Variants in IGSF9B observed in about 807,000 individuals in gnomAD.
IGSF9B encodes immunoglobulin superfamily member 9B.
IGSF9B carries 48 observed loss-of-function variants against 143.7 expected under a neutral mutation model. The ratio of observed to expected loss-of-function variants is 0.33; its 90% CI spans 0.26 to 0.42. IGSF9B has a LOEUF of 0.42. Among genes scored for constraint, IGSF9B ranks in the 20% least tolerant of loss-of-function variants. The pLI, the probability that IGSF9B is intolerant of heterozygous loss-of-function variation, is 1.00. For missense variants in IGSF9B, 1,706 were observed against 1,980.0 expected (o/e 0.86, Z 2.63); for synonymous variants, 903 against 833.1 (o/e 1.08, Z -1.44).
chr11:133,942,830 T>C (rs903972169), intron 3 of IGSF9B, among the ~76,000 whole-genome samples: 1 of 152,186 alleles, frequency 6.6e-6, no homozygotes, highest in African/African-American at 2.4e-5. Context: ...ATTTCAAATA[T>C]GCTTCAATCA....
In IGSF9B at chr11:133,927,100, AAG is replaced by A; in HGVS notation, c.1632-11_1632-10del. On this transcript the variant is annotated splice_polypyrimidine_tract_variant and intron_variant, in intron 12 of 19. Transcript: ENST00000533871. ...ACTGTGCCCGCTTCATCCTGGCCAA[AAG>A]AGAGAGACAGGATAGGGGACGAGGG... The A allele has an allele frequency of 3.2e-6, 5 of 1,545,772 alleles. No individual in the cohort carries two copies. The highest frequency in any genetic ancestry group is 3.5e-6 in the Non-Finnish European group (4 of 1,141,346).
intron 2 of IGSF9B, 54 bp downstream of exon 2, chr11:133,946,005 CCG>C: frequency 1.6e-6 from 2 of 1,272,046 alleles, no homozygotes; most frequent in South Asian, 2.9e-5. Flanking sequence ...AGGGGAACCA[CCG>C]AGGAGCTGAC....
At position 133,945,596 on chromosome 11, in the gene IGSF9B, G is replaced by A. The variant is rs537357177; in HGVS notation, c.262+465C>T. ...CACAGACGGGGCCAGGAGAAGGAGA[G>A]GACAGCATGACAAGGAGGCAGACAC... On this transcript the variant is annotated intron_variant, in intron 2 of 19. Coordinates refer to ENST00000533871, the MANE Select transcript of IGSF9B (RefSeq NM_001277285.4). The surrounding 1 kb of genome is among the most constrained non-coding windows in gnomAD (Gnocchi z 4.6). 6.6e-6 allele frequency among the ~76,000 whole-genome samples: 1 copy of A among 152,330 alleles called. No individual in the cohort carries two copies. Among genetic ancestry groups the A allele is most frequent in the Admixed American group, 6.5e-5 (1 of 15,310 alleles).
At chr11:133,955,237 C>T (rs1490914978) in intron 1 of IGSF9B, among the ~76,000 whole-genome samples, 3 of 152,042 alleles carry the variant, frequency 2.0e-5, no homozygotes, top group Non-Finnish European at 4.4e-5. Context: ...CTCACATCCA[C>T]CCCCCGTTCC....
rs1277440266 is a variant in IGSF9B, at chr11:133,924,796, A to G, written c.2119+24T>C. 1.9e-6 allele frequency: 3 copies of G among 1,601,212 alleles called. No individual in the cohort carries two copies. The East Asian group carries it at 6.7e-5, about 36-fold the overall frequency. On this transcript the variant is annotated intron_variant, in intron 15 of 19. Transcript: ENST00000533871. ...CTGGGGCTTATGTCCCTATAGTTGC[A>G]AGAGCACCCTCAACCCAAAATACCT...
At chr11:133,956,337 G>C (rs1012192911) in intron 1 of IGSF9B, among the ~76,000 whole-genome samples, 1 of 152,142 alleles carries the variant, frequency 6.6e-6, no homozygotes, top group Non-Finnish European at 1.5e-5. Flanking sequence ...GTTTCCCGCA[G>C]CTCTGGGAGG....
intron 1 of IGSF9B, among the ~76,000 whole-genome samples, chr11:133,951,766 G>A (rs754263401): frequency 1.3e-5 from 2 of 152,266 alleles, no homozygotes; most frequent in South Asian, 2.1e-4. Flanking sequence ...CCGGCAGGCC[G>A]CCTGGCCAAC....
Position 133,931,357 on chromosome 11 carries a change from C to T in IGSF9B, c.1368+96G>A. 1.1e-6 allele frequency: 1 copy of T among 945,768 alleles called. No homozygotes were observed. Among genetic ancestry groups the T allele is most frequent in the East Asian group, 2.5e-5 (1 of 39,610 alleles). 58.6% of individuals were successfully genotyped at this position (945,768 alleles called of 1,614,324 possible). ...CTGGGCCCTCACACCTCCCCTCAGCCCCGGGGCTCGCTGGGCCCTCAAACC... is the reference window on the plus strand; with the variant it reads ...CTGGGCCCTCACACCTCCCCTCAGCTCCGGGGCTCGCTGGGCCCTCAAACC... On this transcript the variant is annotated intron_variant, in intron 10 of 19. Coordinates refer to ENST00000533871, the MANE Select transcript of IGSF9B (RefSeq NM_001277285.4). This position sits in a 1 kb window ranked among gnomAD's most constrained non-coding sequence, Gnocchi z 7.7.
intron 5 of IGSF9B, 47 bp from the exon 6 acceptor site, chr11:133,936,241 C>A: frequency 6.4e-7 from 1 of 1,569,032 alleles, no homozygotes; most frequent in Non-Finnish European, 8.7e-7. Context: ...TCAGGGACGG[C>A]AGCAGCACCC....
chr11:133,952,048 C>G (rs1194420789), intron 1 of IGSF9B: 1 of 455,606 alleles, frequency 2.2e-6, no homozygotes, highest in Non-Finnish European at 4.4e-6. Flanking sequence ...TGAGCGGGAC[C>G]TTCTCAGAAA....
intron 12 of IGSF9B, among the ~76,000 whole-genome samples, 173 bp downstream of exon 12, chr11:133,929,498 G>A (rs1170983636): frequency 4.6e-5 from 7 of 152,106 alleles, no homozygotes; most frequent in Non-Finnish European, 5.9e-5. Flanking sequence ...GACCCCTCCC[G>A]TCACCCACAA....
In IGSF9B at chr11:133,920,275, G is replaced by A. The variant is rs374716133; in HGVS notation, c.3450C>T (p.Pro1150=). ...CGTGCGCCCCCGGCTCAGCCGGCTC[G>A]GGGTAAGGCAGCACAGGTATGCCCA... ...QGMGIPVLPY[P]EPAEPGAHGG... The change falls in exon 18 of 20, where the codon CCC becomes CCT. Residue 1150 remains proline (P), a synonymous_variant. Coordinates refer to ENST00000533871, the MANE Select transcript of IGSF9B (RefSeq NM_001277285.4). The A allele has an allele frequency of 5.9e-6, 9 of 1,521,926 alleles. No homozygotes were observed. The highest frequency in any genetic ancestry group is 2.8e-5 in the African/African-American group (2 of 71,712). The allele number at this position is 1,521,926 out of a possible 1,614,324, so 94.3% of individuals were successfully genotyped here.
chr11:133,937,328 A>T, intron 5 of IGSF9B, 48 bp downstream of exon 5: 2 of 1,400,602 alleles, frequency 1.4e-6, no homozygotes, highest in Non-Finnish European at 2.0e-6. Flanking sequence ...CGGGCTGGAC[A>T]TCCCCGCGGG....
chr11:133,924,960 C>G, intron 14 of IGSF9B, 56 bp from the exon 15 acceptor site: 1 of 1,407,792 alleles, frequency 7.1e-7, no homozygotes. Flanking sequence ...GACCACTGTC[C>G]CCTCACACAC....
chr11:133,934,079 C>T (rs1419950967), intron 7 of IGSF9B, among the ~76,000 whole-genome samples: 1 of 152,084 alleles, frequency 6.6e-6, no homozygotes, highest in Non-Finnish European at 1.5e-5. Context: ...TTGTCTCACC[C>T]ACCTGTAAAT....
At chr11:133,923,228 C>T (rs796602905) in intron 15 of IGSF9B, among the ~76,000 whole-genome samples, 24 of 152,360 alleles carry the variant, frequency 1.6e-4, no homozygotes, top group African/African-American at 5.3e-4. Flanking sequence ...TGCCTCACAC[C>T]AGTGTCTCTA....
rs150233040 is a variant in IGSF9B at position 133,900,203 on chromosome 11, C to T, written c.*8866G>A. 3.9e-5 allele frequency: 6 copies of T among 152,792 alleles called. No homozygotes were observed. The highest frequency in any genetic ancestry group is 1.4e-4 in the African/African-American group (6 of 41,562). 9.5% of individuals were successfully genotyped at this position (152,792 alleles called of 1,614,324 possible). A position where few individuals can be genotyped will look rare whatever the true frequency, so the allele number is the denominator to read the frequency against. On this transcript the variant is annotated 3_prime_UTR_variant, in exon 20 of 20. Coordinates refer to ENST00000533871, the MANE Select transcript of IGSF9B (RefSeq NM_001277285.4). ...AAGGACCAAACTCTATAGACAAGAG[C>T]TCTTAGGGAGTGCCATGTCTTGGTT...
intron 3 of IGSF9B, among the ~76,000 whole-genome samples, chr11:133,939,629 C>T (rs1939886123): frequency 6.6e-6 from 1 of 152,252 alleles, no homozygotes; most frequent in Admixed American, 6.5e-5. Context: ...CCACTTTCAT[C>T]TCTCATCTCC....
At chr11:133,955,008 C>A (rs762167956) in intron 1 of IGSF9B, among the ~76,000 whole-genome samples, 7 of 152,220 alleles carry the variant, frequency 4.6e-5, no homozygotes, top group Admixed American at 6.5e-5. Context: ...AAGTCCATTG[C>A]CCACCCTGAC....
Sources: gnomAD v4.1 joint callset for allele counts (sites outside exome capture counted in the v4.1 genomes callset) on GRCh38, gnomAD v4.1.1 for gene constraint, Gnocchi (gnomAD v3.1) non-coding constraint, MANE v1.5 for transcripts, NCBI Gene and HGNC (gene_info 2026-07-23, HGNC 2026-07-21) for gene names.